The following METTL14 variants were observed in gnomAD, a reference collection of about 807,000 sequenced individuals.
METTL14 encodes methyltransferase 14, N6-adenosine-methyltransferase non-catalytic subunit.
METTL14 carries 32 observed loss-of-function variants against 62.4 expected under a neutral mutation model. That is an observed-to-expected ratio of 0.51 (90% confidence interval 0.39 to 0.69). The LOEUF (loss-of-function observed/expected upper bound fraction) is 0.69. METTL14 is among the 30% of genes least tolerant of loss of function. The pLI is 0.00. For synonymous variants in METTL14, 150 were observed against 180.0 expected, an observed-to-expected ratio of 0.83 and a Z score of 1.34; for missense variants, 340 against 551.9, an observed-to-expected ratio of 0.62 and a Z score of 3.85.
chr4:118,700,778 A>T, intron 8 of METTL14, 136 bp downstream of exon 8: 1 of 586,918 alleles, frequency 1.7e-6, no homozygotes. Flanking sequence ...TGAGAAAAAA[A>T]AAATGTCCAG....
chr4:118,693,565 C>A (rs1724318161), intron 5 of METTL14, among the ~76,000 whole-genome samples: 1 of 152,096 alleles, frequency 6.6e-6, no homozygotes, highest in Admixed American at 6.5e-5. Context: ...AGCAACATTT[C>A]TCTTGAAGTA....
intron 8 of METTL14, among the ~76,000 whole-genome samples, chr4:118,702,971 A>ATTATTATTATTATTATTG (rs531667576): frequency 9.0e-5 from 13 of 144,896 alleles, no homozygotes; most frequent in African/African-American, 3.3e-4. Context: ...TATTATTATT[A>ATTATTATTATTATTATTG]TTATTATACT....
At chr4:118,696,068 G>A (rs191169437) in intron 6 of METTL14, among the ~76,000 whole-genome samples, 39 of 125,174 alleles carry the variant, frequency 3.1e-4, no homozygotes, top group Admixed American at 1.3e-3. Flanking sequence ...GCAGTGAGCC[G>A]AGATTGTGCC....
intron 3 of METTL14, among the ~76,000 whole-genome samples, chr4:118,691,108 T>C (rs1018797193): frequency 7.0e-6 from 1 of 142,396 alleles, no homozygotes; most frequent in African/African-American, 3.0e-5. Flanking sequence ...GTTTGTGACT[T>C]TTTTTTTTAT....
intron 10 of METTL14, among the ~76,000 whole-genome samples, chr4:118,707,552 T>G (rs551736578): frequency 6.7e-6 from 1 of 150,088 alleles, no homozygotes; most frequent in Non-Finnish European, 1.5e-5. Context: ...TAATCCCAGC[T>G]ACTTGGGAGG....
At chr4:118,706,118 A>G (rs1724750157) in intron 10 of METTL14, among the ~76,000 whole-genome samples, 2 of 152,176 alleles carry the variant, frequency 1.3e-5, no homozygotes, top group Admixed American at 6.6e-5. Flanking sequence ...CTCAAAGTCC[A>G]CAGTTTACAT....
In METTL14 at chr4:118,689,416, G is replaced by T; in HGVS notation, c.202G>T (p.Asp68Tyr). Residue 68 changes from aspartate to tyrosine, a missense_variant, in exon 3 of 11, where the codon GAT (aspartate) becomes TAT (tyrosine). Coordinates refer to ENST00000388822, the MANE Select transcript of METTL14 (RefSeq NM_020961.4). Reference protein sequence around the residue: ...SAPNAKRKYLDEGETDEDKME... With the variant: ...SAPNAKRKYLYEGETDEDKME... ...TCCAAATGCAAAACGTAAGTATCTGGATGAAGGAGAGACAGATGAAGACAA... is the reference window on the plus strand; with the variant it reads ...TCCAAATGCAAAACGTAAGTATCTGTATGAAGGAGAGACAGATGAAGACAA... 1.2e-6 allele frequency: 2 copies of T among 1,605,928 alleles called. No individual in the cohort carries two copies. The highest frequency in any genetic ancestry group is 2.2e-5 in the South Asian group (2 of 89,674).
chr4:118,686,443 A>G (rs1579062822), intron 1 of METTL14: 4 of 372,656 alleles, frequency 1.1e-5, no homozygotes, highest in South Asian at 6.2e-5. Flanking sequence ...GATAGGAGCA[A>G]TGCTCATAGA....
intron 6 of METTL14, 104 bp from the exon 7 acceptor site, chr4:118,697,078 G>C: frequency 5.0e-6 from 4 of 802,552 alleles, no homozygotes; most frequent in Non-Finnish European, 7.6e-6. Flanking sequence ...AATGTTTAGT[G>C]ATATCTAAGA....
rs760616124 is a variant in METTL14, at chr4:118,705,760, G to A, written c.1005G>A (p.Glu335=). 2.5e-6 allele frequency: 4 copies of A among 1,614,008 alleles called. No individual in the cohort carries two copies. The highest frequency in any genetic ancestry group is 1.3e-5 in the African/African-American group (1 of 74,916). Residue 335 remains glutamate, a synonymous_variant, in exon 10 of 11, where the codon GAG becomes GAA. Transcript: ENST00000388822. ...CTGTAGAAATTTTTCATATAATTGAGCATTTTTGTCTTGGTAGAAGACGCC... is the reference window on the plus strand; with the variant it reads ...CTGTAGAAATTTTTCATATAATTGAACATTTTTGTCTTGGTAGAAGACGCC... ...EKPVEIFHII[E]HFCLGRRRLH... is the part of the protein sequence containing the mutation.
chr4:118,691,086 T>C (rs904738740), intron 3 of METTL14, among the ~76,000 whole-genome samples: 1 of 152,126 alleles, frequency 6.6e-6, no homozygotes, highest in African/African-American at 2.4e-5. Flanking sequence ...TCTGATAATA[T>C]GTAACTTAAA....
intron 2 of METTL14, among the ~76,000 whole-genome samples, chr4:118,688,914 C>T (rs1037880516): frequency 9.2e-5 from 14 of 152,160 alleles, no homozygotes; most frequent in African/African-American, 2.9e-4. Context: ...CTTTTTGATC[C>T]GCCTGCCTTG....
chr4:118,697,171 T>C lies in METTL14; in HGVS notation c.504-11T>C. ...TTTAAAAACCTCATTTTTAATGCTT[T>C]AATCAAATAGGTACTTACAAGCCGA... On this transcript the variant is annotated splice_polypyrimidine_tract_variant and intron_variant, in intron 6 of 10. Coordinates refer to ENST00000388822, the MANE Select transcript of METTL14 (RefSeq NM_020961.4). The C allele has an allele frequency of 6.4e-7, 1 of 1,569,766 alleles. No individual in the cohort carries two copies. Among genetic ancestry groups the C allele is most frequent in the Non-Finnish European group, 8.6e-7 (1 of 1,165,878 alleles).
At chr4:118,707,701 T>G (rs1724796247) in intron 10 of METTL14, among the ~76,000 whole-genome samples, 1 of 151,264 alleles carries the variant, frequency 6.6e-6, no homozygotes, top group Non-Finnish European at 1.5e-5. Flanking sequence ...GTTTATTAAG[T>G]TGCTCCTCAA....
In METTL14 at chr4:118,711,383, A is replaced by G. The variant is rs367564068; in HGVS notation, c.*1081A>G. On this transcript the variant is annotated 3_prime_UTR_variant, in exon 11 of 11. Transcript: ENST00000388822. ...ATGAATTTGATAATGAAATTATACTATTATCATTCTTGATGAATACTTTTC... is the reference window on the plus strand; with the variant it reads ...ATGAATTTGATAATGAAATTATACTGTTATCATTCTTGATGAATACTTTTC... The G allele has an allele frequency of 6.6e-6, 1 of 152,302 alleles. No individual in the cohort carries two copies. Among genetic ancestry groups the G allele is most frequent in the South Asian group, 2.1e-4 (1 of 4,832 alleles). 9.4% of individuals were successfully genotyped at this position (152,302 alleles called of 1,614,324 possible).
rs76265083 is a variant in METTL14 at position 118,687,879 on chromosome 4, A to G, written c.67-44A>G. 2,548 of 1,533,368 alleles carry G rather than the reference A, an allele frequency of 1.7e-3. 47 individuals carry two copies. In the African/African-American group the frequency reaches 0.032, roughly 19 times the overall value. 95.0% of individuals were successfully genotyped at this position (1,533,368 alleles called of 1,614,324 possible). On this transcript the variant is annotated intron_variant, in intron 1 of 10. Coordinates refer to ENST00000388822, the MANE Select transcript of METTL14 (RefSeq NM_020961.4). ...GCTGCTACAAATGCCCAGAAAGGCTATCCAGTGCATTGCAATCTAATTTCT... is the reference window on the plus strand; with the variant it reads ...GCTGCTACAAATGCCCAGAAAGGCTGTCCAGTGCATTGCAATCTAATTTCT...
chr4:118,709,529 T>G (rs1724857908), intron 10 of METTL14, among the ~76,000 whole-genome samples: 1 of 152,100 alleles, frequency 6.6e-6, no homozygotes, highest in South Asian at 2.1e-4. Flanking sequence ...AATGGAAAGA[T>G]AGGAATGAGT....
intron 1 of METTL14, chr4:118,686,505 T>C (rs1027383854): frequency 4.7e-5 from 20 of 426,118 alleles, no homozygotes; most frequent in Non-Finnish European, 9.4e-5. Context: ...TTGGTTTTAG[T>C]AAATGGACTT....
chr4:118,691,318 A>G (rs1724239942), intron 3 of METTL14, among the ~76,000 whole-genome samples: 1 of 152,198 alleles, frequency 6.6e-6, no homozygotes. Flanking sequence ...AATAGTAGTT[A>G]CAGTAATTAT....
Sources: gnomAD v4.1 joint callset for allele counts (sites outside exome capture counted in the v4.1 genomes callset) on GRCh38, gnomAD v4.1.1 for gene constraint, MANE v1.5 for transcripts, NCBI Gene and HGNC (gene_info 2026-07-23, HGNC 2026-07-21) for gene names.